Variants in CTNND2 observed in about 807,000 individuals in gnomAD.
CTNND2 encodes catenin delta-2.
Under a neutral mutation model 144.4 loss-of-function variants are expected in CTNND2, and 22 were observed. The observed-to-expected ratio is 0.15, with a 90% CI of 0.11 to 0.22. The LOEUF (loss-of-function observed/expected upper bound fraction) is 0.22. Ranked by LOEUF, CTNND2 falls within the 10% of genes least tolerant of loss-of-function variation. The pLI, the probability that CTNND2 is intolerant of heterozygous loss-of-function variation, is 1.00. For missense variants in CTNND2, 1,353 were observed against 1,618.8 expected (o/e 0.84, Z 2.82); for synonymous variants, 751 against 695.6 (o/e 1.08, Z -1.25).
chr5:11,228,557 C>T (rs909890508), intron 10 of CTNND2, among the ~76,000 whole-genome samples: 4 of 150,754 alleles, frequency 2.7e-5, no homozygotes, highest in African/African-American at 9.8e-5. Flanking sequence ...ATGATCTCCA[C>T]TTACTACAGC....
chr5:11,738,243 T>C (rs1024202699), intron 1 of CTNND2, among the ~76,000 whole-genome samples: 2 of 152,170 alleles, frequency 1.3e-5, no homozygotes, highest in African/African-American at 4.8e-5. Flanking sequence ...GCCTACAGAA[T>C]AAAACAGTAT....
At chr5:11,164,985 A>G (rs1759160112) in intron 11 of CTNND2, among the ~76,000 whole-genome samples, 1 of 152,194 alleles carries the variant, frequency 6.6e-6, no homozygotes, top group Non-Finnish European at 1.5e-5. Context: ...GAACCAAACA[A>G]GCACTAAAGA....
At chr5:11,609,821 C>A (rs1780229181) in intron 2 of CTNND2, among the ~76,000 whole-genome samples, 1 of 152,182 alleles carries the variant, frequency 6.6e-6, no homozygotes, top group Non-Finnish European at 1.5e-5. Flanking sequence ...TCTGCATCTG[C>A]AGCTGTGGGA....
chr5:11,661,626 T>TA (rs890236031), intron 2 of CTNND2, among the ~76,000 whole-genome samples: 52 of 151,708 alleles, frequency 3.4e-4, no homozygotes, highest in East Asian at 7.8e-4. Context: ...TACAGATCTT[T>TA]AAAAAAAAAT....
intron 16 of CTNND2, among the ~76,000 whole-genome samples, chr5:11,054,854 A>G (rs551813651): frequency 2.0e-5 from 3 of 152,250 alleles, no homozygotes; most frequent in East Asian, 1.9e-4. Flanking sequence ...GTGTTTATAT[A>G]AAGAGCCTTT....
intron 7 of CTNND2, among the ~76,000 whole-genome samples, chr5:11,382,595 C>CTGTG (rs71582432): frequency 0.015 from 2,010 of 130,074 alleles, 27 homozygotes; most frequent in African/African-American, 0.025. Flanking sequence ...GAGTGAGACT[C>CTGTG]TGTGTGTGTG....
At chr5:11,765,376 A>G (rs1284941572) in intron 1 of CTNND2, among the ~76,000 whole-genome samples, 1 of 152,194 alleles carries the variant, frequency 6.6e-6, no homozygotes, top group Non-Finnish European at 1.5e-5. Context: ...AGAGGCAGTC[A>G]TACACACAGC....
chr5:11,290,542 A>T (rs116409988), intron 9 of CTNND2, among the ~76,000 whole-genome samples: 1,926 of 152,328 alleles, frequency 0.013, 15 homozygotes, highest in Non-Finnish European at 0.02. Context: ...GAGTGACCTC[A>T]TATGAATAAA....
intron 2 of CTNND2, chr5:11,588,926 A>G: frequency 4.1e-6 from 4 of 985,418 alleles, no homozygotes; most frequent in Non-Finnish European, 4.8e-6. Context: ...ACCACAGAGC[A>G]GCTCAAAAAC....
chr5:11,740,086 A>G (rs1286455050), intron 1 of CTNND2, among the ~76,000 whole-genome samples: 4 of 152,238 alleles, frequency 2.6e-5, no homozygotes, highest in African/African-American at 9.6e-5. Context: ...GATAGGAAGA[A>G]TCAGTATCAT....
intron 2 of CTNND2, among the ~76,000 whole-genome samples, chr5:11,662,188 T>TATATATGTGTATATATGTATATATATAC (rs1262882566): frequency 0.018 from 2,393 of 131,354 alleles, 72 homozygotes; most frequent in Non-Finnish European, 0.031. Context: ...CATATATGTG[T>TATATATGTGTATATATGTATATATATAC]ATATATGTGT....
chr5:11,742,198 G>A (rs1351308191), intron 1 of CTNND2, among the ~76,000 whole-genome samples: 1 of 152,016 alleles, frequency 6.6e-6, no homozygotes, highest in African/African-American at 2.4e-5. Flanking sequence ...AAAACTTATG[G>A]AGGAAAAAAA....
intron 9 of CTNND2, among the ~76,000 whole-genome samples, chr5:11,238,158 T>TA (rs529789580): frequency 1.3e-5 from 2 of 152,170 alleles, no homozygotes; most frequent in Non-Finnish European, 2.9e-5. Flanking sequence ...CTCAACCAGT[T>TA]AGACCATGCT....
chr5:11,210,061 A>G (rs1738470527), intron 10 of CTNND2, among the ~76,000 whole-genome samples: 1 of 152,152 alleles, frequency 6.6e-6, no homozygotes, highest in African/African-American at 2.4e-5. Flanking sequence ...CACTCCCTCA[A>G]TACAATAAGG....
chr5:11,570,243 G>A (rs1280526665), intron 2 of CTNND2, among the ~76,000 whole-genome samples: 1 of 152,124 alleles, frequency 6.6e-6, no homozygotes, highest in African/African-American at 2.4e-5. Context: ...ATCTGGCCTG[G>A]CTGCCTTCTT....
intron 3 of CTNND2, among the ~76,000 whole-genome samples, chr5:11,541,634 A>C (rs991807736): frequency 9.2e-5 from 14 of 152,194 alleles, no homozygotes; most frequent in African/African-American, 3.4e-4. Context: ...ATAGACAAAG[A>C]CCAAGAAACA....
intron 2 of CTNND2, among the ~76,000 whole-genome samples, chr5:11,684,264 G>A (rs1554104172): frequency 6.6e-6 from 1 of 151,870 alleles, no homozygotes; most frequent in Non-Finnish European, 1.5e-5. Flanking sequence ...ACCACGCCTG[G>A]CTAATTTTTT....
At chr5:11,207,325 T>C (rs1484081808) in intron 10 of CTNND2, among the ~76,000 whole-genome samples, 3 of 151,182 alleles carry the variant, frequency 2.0e-5, no homozygotes, top group South Asian at 2.1e-4. Flanking sequence ...ACATGGCATG[T>C]GTATATCTAT....
At chr5:11,582,617 C>G (rs1199937974) in intron 2 of CTNND2, among the ~76,000 whole-genome samples, 1 of 152,094 alleles carries the variant, frequency 6.6e-6, no homozygotes, top group Non-Finnish European at 1.5e-5. Context: ...TTGTGACTAT[C>G]CACCTTTTCT....
Sources: allele counts gnomAD v4.1 joint callset (sites outside exome capture counted in the v4.1 genomes callset), GRCh38; gene constraint gnomAD v4.1.1; transcripts MANE v1.5; gene names NCBI Gene and HGNC (gene_info 2026-07-23, HGNC 2026-07-21).